The following PRKDC variants were observed in gnomAD, a reference collection of about 807,000 sequenced individuals.
The protein encoded by PRKDC is DNA-dependent protein kinase catalytic subunit.
Under a neutral mutation model 486.9 loss-of-function variants are expected in PRKDC, and 82 were observed. That is an observed-to-expected ratio of 0.17 (90% CI 0.14 to 0.20). PRKDC has a LOEUF of 0.20. Among genes scored for constraint, PRKDC ranks in the 10% least tolerant of loss-of-function variants. The pLI, the probability that PRKDC is intolerant of heterozygous loss-of-function variation, is 1.00. For missense variants in PRKDC, 4,504 were observed against 5,038.2 expected, an observed-to-expected ratio of 0.89 and a Z score of 3.21; for synonymous variants, 1,895 against 1,837.0, an observed-to-expected ratio of 1.03 and a Z score of -0.81.
In PRKDC at chr8:47,890,478, T is replaced by A; in HGVS notation, c.3850A>T (p.Thr1284Ser). 1 of 1,545,614 alleles carries A rather than the reference T, an allele frequency of 6.5e-7. No individual in the cohort carries two copies. The highest frequency in any genetic ancestry group is 8.8e-7 in the Non-Finnish European group (1 of 1,141,306). The change falls in exon 32 of 86, where the codon ACT (threonine) becomes TCT (serine). Residue 1284 changes from threonine to serine, a missense_variant and splice_region_variant. Physicochemically the swap from Thr to Ser is moderately conservative, Grantham distance 58. Around this residue, in one of 6 missense-constraint regions of PRKDC, gnomAD observed 1,969 missense variants for 2,068.9 expected, o/e 0.95. Transcript: ENST00000314191. The stretch of plus-strand genomic sequence containing the variant: ...TTCAAAAGTGAAGACTGGGCTTCAG[T>A]ACCTAGAAGCAATTATATTAAAGTA... ...RTVGALQVLG[T>S]EAQSSLLKAV...
At chr8:47,818,506 G>C (rs926806222) in intron 67 of PRKDC, among the ~76,000 whole-genome samples, 4 of 149,398 alleles carry the variant, frequency 2.7e-5, no homozygotes, top group African/African-American at 9.9e-5. Context: ...ATGAACCCGG[G>C]AGGCAGAGCT....
At chr8:47,806,815 T>C (rs1020881152) in intron 69 of PRKDC, among the ~76,000 whole-genome samples, 6 of 152,218 alleles carry the variant, frequency 3.9e-5, no homozygotes, top group Admixed American at 1.3e-4. Flanking sequence ...AACAGGAATA[T>C]AATAAACTCT....
chr8:47,814,336 T>C (rs1232598278), intron 68 of PRKDC, among the ~76,000 whole-genome samples: 1 of 152,180 alleles, frequency 6.6e-6, no homozygotes, highest in African/African-American at 2.4e-5. Flanking sequence ...AGCACGTATA[T>C]TCAAGATTGT....
chr8:47,954,907 G>A (rs2090677363), intron 4 of PRKDC, among the ~76,000 whole-genome samples: 1 of 152,146 alleles, frequency 6.6e-6, no homozygotes, highest in Non-Finnish European at 1.5e-5. Context: ...TGTAATCCTA[G>A]CACTTTGGGA....
At chr8:47,902,915 C>A in intron 26 of PRKDC, 120 bp from the exon 27 acceptor site, 3 of 656,676 alleles carry the variant, frequency 4.6e-6, no homozygotes, top group Middle Eastern at 4.5e-4. Flanking sequence ...TAGCACTAGT[C>A]AAGAAAAAAA....
At chr8:47,821,099 T>G (rs2154499009) in intron 65 of PRKDC, among the ~76,000 whole-genome samples, 156 bp from the exon 66 acceptor site, 1 of 152,348 alleles carries the variant, frequency 6.6e-6, no homozygotes, top group South Asian at 2.1e-4. Context: ...CCTCCAATTT[T>G]TAAAACAAAT....
chr8:47,808,356 G>A (rs1462471611), intron 68 of PRKDC, among the ~76,000 whole-genome samples: 1 of 152,160 alleles, frequency 6.6e-6, no homozygotes, highest in Non-Finnish European at 1.5e-5. Flanking sequence ...TATGTTGCCA[G>A]GCTGGTCTCG....
chr8:47,876,254 C>T (rs568637346), intron 40 of PRKDC, among the ~76,000 whole-genome samples: 8 of 152,176 alleles, frequency 5.3e-5, no homozygotes, highest in African/African-American at 1.9e-4. Flanking sequence ...AAATACAACT[C>T]AAGACAAATT....
intron 31 of PRKDC, among the ~76,000 whole-genome samples, chr8:47,892,871 T>C (rs1466844967): frequency 2.0e-5 from 3 of 152,210 alleles, no homozygotes; most frequent in African/African-American, 7.2e-5. Flanking sequence ...TTTTAAGTAA[T>C]ATTAACAGTT....
Position 47,863,389 on chromosome 8 carries a change from A to G in PRKDC, c.5750+10T>C, listed in dbSNP as rs767116767. ...AATAAAATAGAATCCAAAATTAAGT[A>G]AAATCTTACTTAATCAATGTCTTTG... On this transcript the variant is annotated intron_variant, in intron 42 of 85. Transcript: ENST00000314191. 2 of 1,581,688 alleles carry G rather than the reference A, an allele frequency of 1.3e-6. No individual in the cohort carries two copies. The highest frequency in any genetic ancestry group is 1.7e-6 in the Non-Finnish European group (2 of 1,160,818).
At chr8:47,874,895 A>G (rs1291460393) in intron 40 of PRKDC, among the ~76,000 whole-genome samples, 1 of 152,114 alleles carries the variant, frequency 6.6e-6, no homozygotes, top group African/African-American at 2.4e-5. Flanking sequence ...TGTGTATATA[A>G]AAAATACAAA....
At chr8:47,929,251 G>T in intron 18 of PRKDC, 73 bp from the exon 19 acceptor site, 1 of 1,067,210 alleles carries the variant, frequency 9.4e-7, no homozygotes, top group Non-Finnish European at 1.4e-6. Context: ...GTAGTTCCTA[G>T]CCTGTCTTCA....
rs2089162536 is a variant in PRKDC, at chr8:47,879,493, T to G, written c.5233A>C (p.Lys1745Gln). ...RFNNYVDCMK[K>Q]FLDALELSQS... ...ACTTGATACTACTAGAAACTAACCTTTTTCATGCAGTCCACATAATTATTG... is the reference window on the plus strand; with the variant it reads ...ACTTGATACTACTAGAAACTAACCTGTTTCATGCAGTCCACATAATTATTG... Residue 1745 changes from lysine to glutamine, a missense_variant and splice_region_variant, in exon 39 of 86, where the codon AAG (lysine) becomes CAG (glutamine). Coordinates refer to ENST00000314191, the MANE Select transcript of PRKDC (RefSeq NM_006904.7). 6.4e-7 allele frequency: 1 copy of G among 1,569,492 alleles called. No homozygotes were observed. The highest frequency in any genetic ancestry group is 8.6e-7 in the Non-Finnish European group (1 of 1,156,724).
intron 72 of PRKDC, 113 bp from the exon 73 acceptor site, chr8:47,798,510 T>C: frequency 8.6e-7 from 1 of 1,165,382 alleles, no homozygotes; most frequent in Non-Finnish European, 1.2e-6. Flanking sequence ...AGTGTCATTG[T>C]TCTCTTCTTA....
At position 47,809,132 on chromosome 8, in the gene PRKDC, T is replaced by C. The variant is rs952306519; in HGVS notation, c.9558-1806A>G. Among the ~76,000 whole-genome samples the C allele has an allele frequency of 2.1e-4, 3 of 14,512 alleles. No homozygotes were observed. In the East Asian group the frequency reaches 5.3e-3, roughly 26 times the overall value. The allele number at this position is 14,512 out of a possible 152,430, so 9.5% of individuals were successfully genotyped here. A position where few individuals can be genotyped will look rare whatever the true frequency, so the allele number is the denominator to read the frequency against. ...GGGGAGTAGAGGGGAAGGGAGGGTA[T>C]GGGAGGGAGGGGGAGGGGAGGGGAG... On this transcript the variant is annotated intron_variant, in intron 68 of 85. Transcript: ENST00000314191.
intron 7 of PRKDC, among the ~76,000 whole-genome samples, chr8:47,952,388 T>C (rs2090639000): frequency 6.6e-6 from 1 of 152,216 alleles, no homozygotes; most frequent in Non-Finnish European, 1.5e-5. Context: ...CATGAGTTCA[T>C]CTGTGTAACT....
chr8:47,890,576 G>T, intron 31 of PRKDC, 96 bp from the exon 32 acceptor site: 1 of 893,144 alleles, frequency 1.1e-6, no homozygotes, highest in Non-Finnish European at 1.6e-6. Context: ...CATGGTATAC[G>T]TTCAGCAAAA....
At chr8:47,927,418 A>G in intron 20 of PRKDC, 65 bp from the exon 21 acceptor site, 1 of 1,498,726 alleles carries the variant, frequency 6.7e-7, no homozygotes, top group Non-Finnish European at 9.0e-7. Flanking sequence ...GGAAAAAAAC[A>G]CCAAGTAATT....
intron 58 of PRKDC, among the ~76,000 whole-genome samples, chr8:47,835,714 A>G (rs1017951615): frequency 1.3e-5 from 2 of 150,248 alleles, no homozygotes; most frequent in African/African-American, 4.9e-5. Flanking sequence ...GGCATTAAGG[A>G]CATTTACGCT....
Sources: gnomAD v4.1 joint callset for allele counts (sites outside exome capture counted in the v4.1 genomes callset) on GRCh38, gnomAD v4.1.1 for gene constraint, gnomAD v4.1.1 regional missense constraint, MANE v1.5 for transcripts, NCBI Gene and HGNC (gene_info 2026-07-23, HGNC 2026-07-21) for gene names.